The following AGAP1 variants were observed in gnomAD, a reference collection of about 807,000 sequenced individuals.
AGAP1 encodes arf-GAP with GTPase, ANK repeat and PH domain-containing protein 1.
In AGAP1, 29 loss-of-function variants were observed where a neutral mutation model predicts 105.3. That is an observed-to-expected ratio of 0.28 (90% CI 0.21 to 0.38). The LOEUF is 0.38. Among genes scored for constraint, AGAP1 ranks in the 10% least tolerant of loss-of-function variants. AGAP1 has a pLI of 1.00. For synonymous variants in AGAP1, 509 were observed against 485.9 expected (o/e 1.05, Z -0.63); for missense variants, 998 against 1,165.1 (o/e 0.86, Z 2.09).
rs994786097 is a variant in AGAP1, at chr2:235,790,293, A to C, written c.674-7466A>C. 2.0e-5 allele frequency among the ~76,000 whole-genome samples: 3 copies of C among 152,310 alleles called. No individual in the cohort carries two copies. In the South Asian group the frequency reaches 6.2e-4, roughly 32 times the overall value. On this transcript the variant is annotated intron_variant, in intron 6 of 17. Coordinates refer to ENST00000304032, the MANE Select transcript of AGAP1 (RefSeq NM_001037131.3). The stretch of plus-strand genomic sequence containing the variant: ...GTAGCTTAGAATCATCAGATGACAC[A>C]TAATTAGCCTAGAATTCTGTGTGCT...
rs926809070 is a variant in AGAP1, at chr2:235,714,429, G to A, written c.223-3128G>A. On this transcript the variant is annotated intron_variant, in intron 2 of 17. Coordinates refer to ENST00000304032, the MANE Select transcript of AGAP1 (RefSeq NM_001037131.3). The surrounding 1 kb of genome is among the most constrained non-coding windows in gnomAD (Gnocchi z 4.1). ...TGTCAGAGGAGGTGACATCTGAACTGATAGTAAGAGTAGGTTTCGGGGAAT... is the reference window on the plus strand; with the variant it reads ...TGTCAGAGGAGGTGACATCTGAACTAATAGTAAGAGTAGGTTTCGGGGAAT... Among the ~76,000 whole-genome samples, 9 of 152,004 alleles carry A rather than the reference G, an allele frequency of 5.9e-5. No homozygotes were observed. The highest frequency in any genetic ancestry group is 1.0e-4 in the Non-Finnish European group (7 of 68,002).
In AGAP1 at chr2:235,561,059, G is replaced by A. The variant is rs143022142; in HGVS notation, c.163+66210G>A. Among the ~76,000 whole-genome samples the A allele has an allele frequency of 1.4e-3, 209 of 152,272 alleles. 1 individual carries two copies. Among genetic ancestry groups the A allele is most frequent in the Non-Finnish European group, 2.3e-3 (157 of 68,026 alleles). On this transcript the variant is annotated intron_variant, in intron 1 of 17. Coordinates refer to ENST00000304032, the MANE Select transcript of AGAP1 (RefSeq NM_001037131.3). ...TGGGTGCCGCTGCCTGGTTGTTTGG[G>A]CCATGCACAGAAGGCTTGTGGCAGG...
In AGAP1 at chr2:235,652,479, C is replaced by T. The variant is rs137888922; in HGVS notation, c.164-56700C>T. Among the ~76,000 whole-genome samples, 584 of 152,278 alleles carry T rather than the reference C, an allele frequency of 3.8e-3. 2 individuals carry two copies. The highest frequency in any genetic ancestry group is 4.6e-3 in the Non-Finnish European group (311 of 68,024). On this transcript the variant is annotated intron_variant, in intron 1 of 17. Coordinates refer to ENST00000304032, the MANE Select transcript of AGAP1 (RefSeq NM_001037131.3). The stretch of plus-strand genomic sequence containing the variant: ...CAGCATTGAGTCCATGTTAAGAGAG[C>T]AGCCTCTATCTGTCTGGGGGTGGAG...
At chr2:235,821,602 G>A (rs185617169) in intron 9 of AGAP1, among the ~76,000 whole-genome samples, 1 of 152,072 alleles carries the variant, frequency 6.6e-6, no homozygotes, top group African/African-American at 2.4e-5. Context: ...ATAATACAAA[G>A]ACTCCATATA....
intron 9 of AGAP1, among the ~76,000 whole-genome samples, chr2:235,849,362 T>A (rs761817352): frequency 1.5e-4 from 23 of 152,194 alleles, no homozygotes; most frequent in African/African-American, 5.3e-4. Flanking sequence ...AATTAACTGG[T>A]TTTTTTGTGA....
At chr2:236,019,599 C>T (rs1336630625) in intron 13 of AGAP1, among the ~76,000 whole-genome samples, 5 of 152,196 alleles carry the variant, frequency 3.3e-5, no homozygotes, top group African/African-American at 1.2e-4. Context: ...CTCAGGAAGA[C>T]GGGGCTGGAA....
At chr2:235,850,782 G>T (rs894968624) in intron 9 of AGAP1, among the ~76,000 whole-genome samples, 1 of 152,170 alleles carries the variant, frequency 6.6e-6, no homozygotes, top group Non-Finnish European at 1.5e-5. Flanking sequence ...TTGAAAGCAT[G>T]ATGACTGTAC....
At chr2:235,619,943 C>T (rs1946422836) in intron 1 of AGAP1, among the ~76,000 whole-genome samples, 1 of 152,112 alleles carries the variant, frequency 6.6e-6, no homozygotes, top group African/African-American at 2.4e-5. Flanking sequence ...ACTGCTGGCG[C>T]CCCGATCCCG....
rs1012275558 is a variant in AGAP1, at chr2:236,040,123, TAATA to T, written c.1801-613_1801-610del. 1.3e-5 allele frequency among the ~76,000 whole-genome samples: 2 copies of T among 151,782 alleles called. No individual in the cohort carries two copies. The highest frequency in any genetic ancestry group is 2.1e-4 in the South Asian group (1 of 4,796). ...GAGACACTGGCTCAAAAAATAATAA[TAATA>T]AATAAATAAATAAAAATAAAGCAAG... On this transcript the variant is annotated intron_variant, in intron 14 of 17. Transcript: ENST00000304032. The surrounding 1 kb of genome is among the most constrained non-coding windows in gnomAD (Gnocchi z 5.6).
rs2049656794 is a variant in AGAP1, at chr2:235,875,190, C to A, written c.1051-8155C>A. ...ACTTTTCAACCTTACTGGTCCATGGCCCTGTCCTGTTTCTGTATCTGCCAA... is the reference window on the plus strand; with the variant it reads ...ACTTTTCAACCTTACTGGTCCATGGACCTGTCCTGTTTCTGTATCTGCCAA... On this transcript the variant is annotated intron_variant, in intron 9 of 17. Transcript: ENST00000304032. The surrounding 1 kb of genome is among the most constrained non-coding windows in gnomAD (Gnocchi z 4.0). 6.6e-6 allele frequency among the ~76,000 whole-genome samples: 1 copy of A among 152,212 alleles called. No homozygotes were observed. Among genetic ancestry groups the A allele is most frequent in the Non-Finnish European group, 1.5e-5 (1 of 68,050 alleles).
chr2:236,122,478 A>G (rs2059922940), intron 17 of AGAP1, among the ~76,000 whole-genome samples: 1 of 152,174 alleles, frequency 6.6e-6, no homozygotes, highest in Non-Finnish European at 1.5e-5. Flanking sequence ...CATGCTGTTG[A>G]GTGGCCTCAG....
intron 13 of AGAP1, among the ~76,000 whole-genome samples, chr2:235,975,777 T>C (rs2054834681): frequency 1.3e-5 from 2 of 152,160 alleles, no homozygotes; most frequent in Admixed American, 6.6e-5. Context: ...CCATGAACAT[T>C]CCACCGGCAC....
intron 8 of AGAP1, among the ~76,000 whole-genome samples, chr2:235,803,069 TGTGATGGTGATGATGGTTGTG>T (rs1487107987): frequency 4.2e-3 from 9 of 2,152 alleles, no homozygotes; most frequent in East Asian, 0.03. Context: ...TGGTGATAGT[TGTGATGGTGATGATGGTTGTG>T]GTGATGGTGA....
chr2:235,526,506 T>A (rs907138204), intron 1 of AGAP1, among the ~76,000 whole-genome samples: 1 of 152,196 alleles, frequency 6.6e-6, no homozygotes, highest in African/African-American at 2.4e-5. Context: ...AGCAGGAAAA[T>A]CATTTGAAAT....
rs539861360 is a variant in AGAP1, at chr2:235,739,722, T to C, written c.311-1241T>C. Among the ~76,000 whole-genome samples, 12 of 152,338 alleles carry C rather than the reference T, an allele frequency of 7.9e-5. No homozygotes were observed. Among genetic ancestry groups the C allele is most frequent in the Admixed American group, 2.6e-4 (4 of 15,308 alleles). On this transcript the variant is annotated intron_variant, in intron 3 of 17. Coordinates refer to ENST00000304032, the MANE Select transcript of AGAP1 (RefSeq NM_001037131.3). This position sits in a 1 kb window ranked among gnomAD's most constrained non-coding sequence, Gnocchi z 5.3. The stretch of plus-strand genomic sequence containing the variant: ...AACGCCCCACTGCCCCAGTCAGCCC[T>C]CTGTGGCCTCAGAGGGTAGCTGCCC...
chr2:235,889,294 G>A lies in AGAP1; in HGVS notation c.1155+5845G>A, dbSNP rs1362304254. On this transcript the variant is annotated intron_variant, in intron 10 of 17. Coordinates refer to ENST00000304032, the MANE Select transcript of AGAP1 (RefSeq NM_001037131.3). The surrounding 1 kb of genome is among the most constrained non-coding windows in gnomAD (Gnocchi z 4.6). ...GCCAGTCATGAAACTGGGGAAACCT[G>A]ACATTGCAGGACACCGTGGGGCTGG... 1.3e-5 allele frequency among the ~76,000 whole-genome samples: 2 copies of A among 152,182 alleles called. No homozygotes were observed. Among genetic ancestry groups the A allele is most frequent in the Admixed American group, 6.5e-5 (1 of 15,280 alleles).
Position 235,577,355 on chromosome 2 carries a change from T to A in AGAP1, c.163+82506T>A, listed in dbSNP as rs997415882. On this transcript the variant is annotated intron_variant, in intron 1 of 17. Coordinates refer to ENST00000304032, the MANE Select transcript of AGAP1 (RefSeq NM_001037131.3). This position sits in a 1 kb window ranked among gnomAD's most constrained non-coding sequence, Gnocchi z 4.5. ...TTTCAATTCGGCCACATTTTAGTGC[T>A]CAGTAGCACCTGTGGCTGGAGCTAC... Among the ~76,000 whole-genome samples the A allele has an allele frequency of 1.2e-4, 18 of 152,190 alleles. No individual in the cohort carries two copies. The highest frequency in any genetic ancestry group is 4.3e-4 in the African/African-American group (18 of 41,446).
intron 9 of AGAP1, among the ~76,000 whole-genome samples, chr2:235,857,426 G>A (rs938323294): frequency 7.2e-5 from 11 of 152,232 alleles, no homozygotes; most frequent in South Asian, 2.1e-4. Context: ...ATCCTTTGAC[G>A]AGCGTCCCCA....
chr2:235,632,002 C>T (rs989025776), intron 1 of AGAP1, among the ~76,000 whole-genome samples: 2 of 152,190 alleles, frequency 1.3e-5, no homozygotes, highest in Non-Finnish European at 2.9e-5. Context: ...TGGAAGGGGT[C>T]TGGGTTTATG....
Sources: allele counts gnomAD v4.1 joint callset (sites outside exome capture counted in the v4.1 genomes callset), GRCh38; gene constraint gnomAD v4.1.1; non-coding constraint Gnocchi (gnomAD v3.1); transcripts MANE v1.5; gene names NCBI Gene and HGNC (gene_info 2026-07-23, HGNC 2026-07-21).